Variants in CWF19L2 observed in about 807,000 individuals in gnomAD.
CWF19L2 encodes CWF19-like protein 2.
In CWF19L2, 98 loss-of-function variants were observed where a neutral mutation model predicts 111.7. The ratio of observed to expected loss-of-function variants is 0.88; its 90% CI spans 0.75 to 1.04. CWF19L2 has a LOEUF of 1.04. Ranked by LOEUF, CWF19L2 falls within the 50% of genes least tolerant of loss-of-function variation. CWF19L2 has a pLI of 0.00. For missense variants in CWF19L2, 1,101 were observed against 1,051.4 expected, an observed-to-expected ratio of 1.05 and a Z score of -0.65; for synonymous variants, 351 against 342.9, an observed-to-expected ratio of 1.02 and a Z score of -0.26.
intron 8 of CWF19L2, among the ~76,000 whole-genome samples, chr11:107,423,358 T>G (rs1037285397): frequency 6.6e-6 from 1 of 152,000 alleles, no homozygotes; most frequent in African/African-American, 2.4e-5. Context: ...GAATTATAGA[T>G]ATTACATTTT....
At chr11:107,327,294 G>T (rs892084905) in intron 17 of CWF19L2, among the ~76,000 whole-genome samples, 32 of 151,990 alleles carry the variant, frequency 2.1e-4, no homozygotes, top group Non-Finnish European at 4.0e-4. Flanking sequence ...CCATTTTGTT[G>T]CTTATTAGCA....
intron 3 of CWF19L2, among the ~76,000 whole-genome samples, chr11:107,451,681 A>C (rs1339439416): frequency 6.6e-6 from 1 of 152,226 alleles, no homozygotes; most frequent in Non-Finnish European, 1.5e-5. Flanking sequence ...TAAATTTGAC[A>C]ATTTCTATGG....
intron 5 of CWF19L2, among the ~76,000 whole-genome samples, chr11:107,440,431 G>A (rs1861605093): frequency 6.6e-6 from 1 of 151,998 alleles, no homozygotes; most frequent in African/African-American, 2.4e-5. Flanking sequence ...TAACCTAAAG[G>A]GATATACAAA....
At chr11:107,456,552 C>T (rs1861858239) in intron 1 of CWF19L2, among the ~76,000 whole-genome samples, 1 of 151,850 alleles carries the variant, frequency 6.6e-6, no homozygotes, top group African/African-American at 2.4e-5. Flanking sequence ...CCCTTTAAAA[C>T]CTGGCTGTAG....
At chr11:107,331,956 A>C (rs559330789) in intron 16 of CWF19L2, among the ~76,000 whole-genome samples, 17 of 152,360 alleles carry the variant, frequency 1.1e-4, no homozygotes, top group African/African-American at 3.6e-4. Flanking sequence ...TGCACTGGCC[A>C]GTCAGAGGAA....
chr11:107,398,411 T>C (rs79567322), intron 10 of CWF19L2, among the ~76,000 whole-genome samples: 1,992 of 152,062 alleles, frequency 0.013, 25 homozygotes, highest in South Asian at 0.038. Context: ...AACAACAAAA[T>C]TGAACAAGTA....
chr11:107,440,402 C>T (rs1165303536), intron 5 of CWF19L2, among the ~76,000 whole-genome samples: 2 of 152,064 alleles, frequency 1.3e-5, no homozygotes, highest in Non-Finnish European at 1.5e-5. Context: ...CTTCAAAGGA[C>T]AAAATTTAAG....
intron 7 of CWF19L2, among the ~76,000 whole-genome samples, chr11:107,432,142 G>A (rs1239476374): frequency 2.6e-5 from 4 of 151,946 alleles, no homozygotes; most frequent in East Asian, 1.9e-4. Flanking sequence ...AATTATCAAC[G>A]AAGTAAAAAA....
At chr11:107,368,336 A>G (rs1273183882) in intron 12 of CWF19L2, among the ~76,000 whole-genome samples, 1 of 137,976 alleles carries the variant, frequency 7.2e-6, no homozygotes, top group African/African-American at 2.9e-5. Flanking sequence ...TAGAAAACCT[A>G]GACGAAATGG....
At chr11:107,430,767 T>C (rs934563102) in intron 7 of CWF19L2, among the ~76,000 whole-genome samples, 63 of 152,008 alleles carry the variant, frequency 4.1e-4, no homozygotes, top group Non-Finnish European at 1.3e-4. Context: ...TTCCATTATG[T>C]AAGATAACTA....
At chr11:107,350,699 G>C (rs1030628676) in intron 13 of CWF19L2, among the ~76,000 whole-genome samples, 1 of 152,070 alleles carries the variant, frequency 6.6e-6, no homozygotes, top group Non-Finnish European at 1.5e-5. Flanking sequence ...TAAATGTAAA[G>C]TAAAATGCAC....
chr11:107,418,979 A>C (rs1861266714), intron 8 of CWF19L2, among the ~76,000 whole-genome samples: 1 of 152,208 alleles, frequency 6.6e-6, no homozygotes, highest in Non-Finnish European at 1.5e-5. Context: ...GGAGTCCAAG[A>C]ATTCCAAGGC....
At position 107,403,808 on chromosome 11, in the gene CWF19L2, A is replaced by G. The variant is rs571203488; in HGVS notation, c.1618-10913T>C. The G allele has an allele frequency of 1.0e-3, 884 of 856,862 alleles. 13 individuals carry two copies. The South Asian group carries it at 0.011, about 11-fold the overall frequency. The allele number at this position is 856,862 out of a possible 1,614,324, so 53.1% of individuals were successfully genotyped here. The stretch of plus-strand genomic sequence containing the variant: ...TTTCTCCATATCCACTTCTACTGTC[A>G]GACCGCACAACCTTTTAAGTTCATT... On this transcript the variant is annotated intron_variant, in intron 10 of 17. Transcript: ENST00000282251.
chr11:107,404,639 AC>A, intron 10 of CWF19L2: 1 of 501,886 alleles, frequency 2.0e-6, no homozygotes. Flanking sequence ...TCCCACGCTT[AC>A]CCCAACAGAT....
intron 12 of CWF19L2, among the ~76,000 whole-genome samples, chr11:107,376,383 G>A (rs1327172232): frequency 3.1e-5 from 3 of 96,452 alleles, no homozygotes; most frequent in South Asian, 2.9e-4. Flanking sequence ...CTGGCAAAAC[G>A]AATCCAGCAG....
At chr11:107,419,101 C>T (rs975941013) in intron 8 of CWF19L2, among the ~76,000 whole-genome samples, 3 of 152,170 alleles carry the variant, frequency 2.0e-5, no homozygotes, top group African/African-American at 7.2e-5. Context: ...CACCTGCAGT[C>T]AGGGAAAGAA....
chr11:107,396,488 A>C (rs1353440923), intron 10 of CWF19L2, among the ~76,000 whole-genome samples: 2 of 152,206 alleles, frequency 1.3e-5, no homozygotes, highest in Non-Finnish European at 2.9e-5. Context: ...TTCTTATTTT[A>C]AAGGAAGAAA....
chr11:107,333,680 G>A (rs1859882095), intron 16 of CWF19L2, among the ~76,000 whole-genome samples: 1 of 152,114 alleles, frequency 6.6e-6, no homozygotes, highest in Admixed American at 6.5e-5. Context: ...AATGATTGTA[G>A]ATAATGTTGT....
chr11:107,403,732 C>T (rs1349636985), intron 10 of CWF19L2: 6 of 862,292 alleles, frequency 7.0e-6, no homozygotes, highest in South Asian at 1.3e-5. Flanking sequence ...TCTCCCTTTC[C>T]TCCTGCTTTT....
Sources: gnomAD v4.1 joint callset for allele counts (sites outside exome capture counted in the v4.1 genomes callset) on GRCh38, gnomAD v4.1.1 for gene constraint, MANE v1.5 for transcripts, NCBI Gene and HGNC (gene_info 2026-07-23, HGNC 2026-07-21) for gene names.